The following LUZP2 variants were observed in gnomAD, a reference collection of about 807,000 sequenced individuals.
The protein encoded by LUZP2 is leucine zipper protein 2.
Under a neutral mutation model 51.6 loss-of-function variants are expected in LUZP2, and 52 were observed. The ratio of observed to expected loss-of-function variants is 1.01; its 90% CI spans 0.81 to 1.27. LUZP2 has a LOEUF of 1.27. LUZP2 is among the 50% of genes most tolerant of loss of function. The probability of loss-of-function intolerance (pLI) is 0.00; values close to 1 mark genes in which losing one functional copy is unlikely to be tolerated. For synonymous variants in LUZP2, 154 were observed against 137.3 expected (o/e 1.12, Z -0.85); for missense variants, 436 against 395.4 (o/e 1.10, Z -0.87).
At chr11:24,531,490 A>G (rs10834365) in intron 1 of LUZP2, among the ~76,000 whole-genome samples, 28,096 of 150,716 alleles carry the variant, frequency 0.19, 4,571 homozygotes, top group African/African-American at 0.44. Context: ...GTTGTTTATC[A>G]TAGTCACCCT....
Position 24,607,341 on chromosome 11 carries a change from C to CTT in LUZP2, c.62+110064_62+110065dup, listed in dbSNP as rs57741208. ...GTGGTATAAGATGGGGATATTATGT[C>CTT]TTTTTTTTTTTTTTTTTTTTTTTTT... On this transcript the variant is annotated intron_variant, in intron 1 of 11. Transcript: ENST00000336930. Among the ~76,000 whole-genome samples the CTT allele has an allele frequency of 8.5e-4, 54 of 63,396 alleles. 2 individuals carry two copies. The highest frequency in any genetic ancestry group is 2.1e-3 in the African/African-American group (39 of 18,222). The allele number at this position is 63,396 out of a possible 152,430, so 41.6% of individuals were successfully genotyped here. A position where few individuals can be genotyped will look rare whatever the true frequency, so the allele number is the denominator to read the frequency against.
chr11:24,941,875 A>G (rs868039624), intron 7 of LUZP2, among the ~76,000 whole-genome samples: 15 of 152,236 alleles, frequency 9.9e-5, no homozygotes, highest in Middle Eastern at 3.4e-3. Context: ...ATCAAGATAT[A>G]TAACTGTGCC....
At chr11:24,739,969 A>G (rs1006525834) in intron 4 of LUZP2, among the ~76,000 whole-genome samples, 2 of 152,132 alleles carry the variant, frequency 1.3e-5, no homozygotes, top group Non-Finnish European at 1.5e-5. Flanking sequence ...ACATATTTTT[A>G]GTATCAGCTT....
At chr11:25,052,731 A>T (rs754265785) in intron 10 of LUZP2, among the ~76,000 whole-genome samples, 1 of 151,312 alleles carries the variant, frequency 6.6e-6, no homozygotes, top group Non-Finnish European at 1.5e-5. Context: ...TGAGTGTCCA[A>T]ACTGAATAAG....
At chr11:24,631,657 TTG>T (rs754050117) in intron 1 of LUZP2, among the ~76,000 whole-genome samples, 1 of 151,856 alleles carries the variant, frequency 6.6e-6, no homozygotes, top group Non-Finnish European at 1.5e-5. Flanking sequence ...CGGTCTGTAG[TTG>T]TGTGTGTGTG....
intron 5 of LUZP2, among the ~76,000 whole-genome samples, chr11:24,805,730 T>C (rs1256186224): frequency 6.6e-6 from 1 of 152,124 alleles, no homozygotes; most frequent in Non-Finnish European, 1.5e-5. Context: ...TTGTTTTAGG[T>C]TGGATTTCCC....
chr11:24,883,381 G>A (rs1328060312), intron 5 of LUZP2, among the ~76,000 whole-genome samples: 1 of 141,162 alleles, frequency 7.1e-6, no homozygotes, highest in Non-Finnish European at 1.5e-5. Flanking sequence ...CTATCAGCAG[G>A]GATAACTTAC....
At chr11:24,562,735 G>A (rs569332861) in intron 1 of LUZP2, among the ~76,000 whole-genome samples, 8 of 151,164 alleles carry the variant, frequency 5.3e-5, no homozygotes, top group Non-Finnish European at 1.2e-4. Context: ...GGTGGTGGGC[G>A]CCTGTAGTCC....
At chr11:24,725,966 A>G (rs1858460660) in intron 1 of LUZP2, among the ~76,000 whole-genome samples, 1 of 152,124 alleles carries the variant, frequency 6.6e-6, no homozygotes, top group South Asian at 2.1e-4. Context: ...GAGGCCTAAG[A>G]CAGATCCTTC....
At chr11:25,015,994 C>T in intron 9 of LUZP2, among the ~76,000 whole-genome samples, 1 of 150,480 alleles carries the variant, frequency 6.6e-6, no homozygotes, top group Non-Finnish European at 1.5e-5. Context: ...AATCTCGGCT[C>T]ACTGCAAGCT....
intron 5 of LUZP2, among the ~76,000 whole-genome samples, chr11:24,771,518 A>G (rs1325720903): frequency 6.6e-6 from 1 of 151,120 alleles, no homozygotes; most frequent in Middle Eastern, 3.4e-3. Context: ...CACAAAGACA[A>G]CACAGGGCCA....
intron 1 of LUZP2, among the ~76,000 whole-genome samples, chr11:24,560,496 A>G (rs1055969804): frequency 2.0e-5 from 3 of 152,182 alleles, no homozygotes; most frequent in African/African-American, 7.2e-5. Flanking sequence ...AAAACTCACT[A>G]TGGTTGTGTA....
At chr11:24,768,045 A>G (rs1168363090) in intron 5 of LUZP2, among the ~76,000 whole-genome samples, 2 of 152,128 alleles carry the variant, frequency 1.3e-5, no homozygotes, top group Non-Finnish European at 2.9e-5. Context: ...GAGATATAAG[A>G]CAGGCTCAAA....
chr11:24,620,713 A>G (rs1854465161), intron 1 of LUZP2, among the ~76,000 whole-genome samples: 1 of 152,154 alleles, frequency 6.6e-6, no homozygotes, highest in African/African-American at 2.4e-5. Context: ...TGTGAGAAAC[A>G]CCCATAAGTA....
At chr11:25,068,726 T>A (rs1859068367) in intron 10 of LUZP2, among the ~76,000 whole-genome samples, 1 of 151,984 alleles carries the variant, frequency 6.6e-6, no homozygotes, top group African/African-American at 2.4e-5. Context: ...ACAATGTAAT[T>A]GTTGCTTAAT....
At chr11:24,948,843 C>A (rs1405236726) in intron 7 of LUZP2, among the ~76,000 whole-genome samples, 1 of 147,874 alleles carries the variant, frequency 6.8e-6, no homozygotes, top group African/African-American at 2.4e-5. Flanking sequence ...ATCTATCTAT[C>A]TATCTATCTA....
At position 24,566,556 on chromosome 11, in the gene LUZP2, A is replaced by G. The variant is rs1371227056; in HGVS notation, c.62+69251A>G. Among the ~76,000 whole-genome samples, 5 of 145,520 alleles carry G rather than the reference A, an allele frequency of 3.4e-5. No individual in the cohort carries two copies. The South Asian group carries it at 6.5e-4, about 19-fold the overall frequency. ...TATACACATATGTATATATATATGT[A>G]TGTGTATATATATCTATACACATAT... On this transcript the variant is annotated intron_variant, in intron 1 of 11. Coordinates refer to ENST00000336930, the MANE Select transcript of LUZP2 (RefSeq NM_001009909.4).
chr11:24,785,545 T>C (rs1041119549), intron 5 of LUZP2, among the ~76,000 whole-genome samples: 1 of 151,920 alleles, frequency 6.6e-6, no homozygotes, highest in Non-Finnish European at 1.5e-5. Flanking sequence ...ATTGTCATTA[T>C]GAATATAATG....
intron 11 of LUZP2, 119 bp from the exon 12 acceptor site, chr11:25,078,435 C>T (rs1467993758): frequency 4.2e-6 from 3 of 707,848 alleles, no homozygotes; most frequent in Non-Finnish European, 7.0e-6. Flanking sequence ...TGTTCATTTT[C>T]TCTAAGATAT....
Sources: allele counts gnomAD v4.1 joint callset (sites outside exome capture counted in the v4.1 genomes callset), GRCh38; gene constraint gnomAD v4.1.1; transcripts MANE v1.5; gene names NCBI Gene and HGNC (gene_info 2026-07-23, HGNC 2026-07-21).